Variants in OSBP2 observed in about 807,000 individuals in gnomAD.
OSBP2 encodes the protein oxysterol-binding protein 2.
A neutral mutation model predicts 96.0 loss-of-function variants in OSBP2; 66 were observed. The observed-to-expected ratio is 0.69, with a 90% CI of 0.56 to 0.84. The LOEUF (loss-of-function observed/expected upper bound fraction) is 0.84, where lower values mean the gene tolerates loss of function less well. Ranked by LOEUF, OSBP2 falls within the 40% of genes least tolerant of loss-of-function variation. OSBP2 has a pLI of 0.00. For synonymous variants in OSBP2, 525 were observed against 520.9 expected, an observed-to-expected ratio of 1.01 and a Z score of -0.11; for missense variants, 1,038 against 1,222.7, an observed-to-expected ratio of 0.85 and a Z score of 2.25.
In OSBP2 at chr22:30,695,237, T is replaced by G; in HGVS notation, c.328T>G (p.Ser110Ala). Residue 110 changes from serine (S) to alanine (A), a missense_variant, in exon 1 of 14, where the codon TCA (serine) becomes GCA (alanine). Transcript: ENST00000332585. ...LLQGSRPGSE[S>A]SSGVGAGPFT... Reference sequence around the variant, plus strand: ...GCAGGGGTCGCGGCCGGGGTCAGAGTCAAGCTCAGGTGTAGGGGCTGGGCC... The same window carrying G: ...GCAGGGGTCGCGGCCGGGGTCAGAGGCAAGCTCAGGTGTAGGGGCTGGGCC... 6.2e-7 allele frequency: 1 copy of G among 1,612,828 alleles called. No individual in the cohort carries two copies. Among genetic ancestry groups the G allele is most frequent in the Non-Finnish European group, 8.5e-7 (1 of 1,179,672 alleles).
At chr22:30,766,055 A>C (rs1185727995) in intron 2 of OSBP2, among the ~76,000 whole-genome samples, 1 of 152,138 alleles carries the variant, frequency 6.6e-6, no homozygotes, top group Admixed American at 6.5e-5. Context: ...GCAACATATC[A>C]AGACCCCATC....
At chr22:30,724,484 G>T (rs2089608705) in intron 1 of OSBP2, among the ~76,000 whole-genome samples, 1 of 152,132 alleles carries the variant, frequency 6.6e-6, no homozygotes, top group Non-Finnish European at 1.5e-5. Flanking sequence ...GCCTCCCAAA[G>T]TGCTGGGATT....
chr22:30,903,246 T>C (rs1435206672), intron 12 of OSBP2, among the ~76,000 whole-genome samples: 3 of 152,248 alleles, frequency 2.0e-5, no homozygotes, highest in East Asian at 1.9e-4. Flanking sequence ...CTGTATTGCG[T>C]TGGCTTCCAA....
chr22:30,726,197 A>C (rs1157175969), intron 1 of OSBP2, among the ~76,000 whole-genome samples: 1 of 152,226 alleles, frequency 6.6e-6, no homozygotes, highest in Non-Finnish European at 1.5e-5. Context: ...AAAAATGTAG[A>C]GATGTCATTT....
intron 2 of OSBP2, among the ~76,000 whole-genome samples, chr22:30,840,210 A>T (rs769052124): frequency 5.3e-5 from 5 of 94,434 alleles, no homozygotes; most frequent in Non-Finnish European, 1.2e-4. Context: ...CAAGTGTAAT[A>T]AAAAAAAAAA....
At chr22:30,798,978 C>A (rs1569128713) in intron 2 of OSBP2, among the ~76,000 whole-genome samples, 1 of 149,554 alleles carries the variant, frequency 6.7e-6, no homozygotes. Context: ...TGTGCCATTG[C>A]ACTCCAGCCT....
intron 2 of OSBP2, among the ~76,000 whole-genome samples, chr22:30,763,960 C>G (rs376562184): frequency 6.6e-6 from 1 of 152,156 alleles, no homozygotes; most frequent in Non-Finnish European, 1.5e-5. Context: ...ATGGCTTGTT[C>G]GCTTTCTTTT....
At chr22:30,803,062 G>A in intron 2 of OSBP2, 1 of 199,892 alleles carries the variant, frequency 5.0e-6, no homozygotes, top group Admixed American at 6.2e-5. Flanking sequence ...GCACCCAGAT[G>A]GACTGAGAGC....
At chr22:30,837,743 G>A (rs545398749) in intron 2 of OSBP2, among the ~76,000 whole-genome samples, 2 of 152,290 alleles carry the variant, frequency 1.3e-5, no homozygotes, top group South Asian at 2.1e-4. Flanking sequence ...GTGCGACAGG[G>A]TGATGCAAGC....
chr22:30,783,302 C>CCTT (rs2090544976), intron 2 of OSBP2, among the ~76,000 whole-genome samples: 2 of 34,708 alleles, frequency 5.8e-5, no homozygotes, highest in African/African-American at 2.8e-4. Context: ...ATTCAGAGAG[C>CCTT]TTTTTTTTTT....
At chr22:30,815,098 G>T (rs1337153559) in intron 2 of OSBP2, among the ~76,000 whole-genome samples, 3 of 152,136 alleles carry the variant, frequency 2.0e-5, no homozygotes, top group Non-Finnish European at 2.9e-5. Context: ...CCTGGGCAAC[G>T]TGGTGAAACC....
chr22:30,771,062 C>T (rs1192635544), intron 2 of OSBP2, among the ~76,000 whole-genome samples: 3 of 152,228 alleles, frequency 2.0e-5, no homozygotes, highest in East Asian at 1.9e-4. Context: ...GTATATATAG[C>T]GAGGAAGCCT....
chr22:30,799,263 C>T (rs1399733212), intron 2 of OSBP2, among the ~76,000 whole-genome samples: 1 of 152,076 alleles, frequency 6.6e-6, no homozygotes, highest in Non-Finnish European at 1.5e-5. Context: ...GCGCCCACCA[C>T]CACACCCAGC....
At chr22:30,834,421 T>C (rs1301696864) in intron 2 of OSBP2, among the ~76,000 whole-genome samples, 1 of 152,214 alleles carries the variant, frequency 6.6e-6, no homozygotes, top group Non-Finnish European at 1.5e-5. Flanking sequence ...CTCAACTGTT[T>C]TTCATAGAGA....
chr22:30,712,997 A>G lies in OSBP2; in HGVS notation c.644+17444A>G, dbSNP rs531047872. On this transcript the variant is annotated intron_variant, in intron 1 of 13. Transcript: ENST00000332585. ...ACCATCACGACTCACTGCAGCCTCA[A>G]TGTTCTGCACTCAAGCAATCCTTCT... Among the ~76,000 whole-genome samples, 9 of 151,820 alleles carry G rather than the reference A, an allele frequency of 5.9e-5. No homozygotes were observed. The East Asian group carries it at 1.4e-3, about 23-fold the overall frequency.
intron 1 of OSBP2, among the ~76,000 whole-genome samples, chr22:30,733,018 C>T (rs904164898): frequency 3.3e-5 from 5 of 152,178 alleles, no homozygotes; most frequent in Non-Finnish European, 7.3e-5. Flanking sequence ...GCTGGAGGCA[C>T]TACAGGCAGG....
At position 30,906,510 on chromosome 22, in the gene OSBP2, G is replaced by GA; in HGVS notation, c.*172dup. On this transcript the variant is annotated 3_prime_UTR_variant, in exon 14 of 14. Coordinates refer to ENST00000332585, the MANE Select transcript of OSBP2 (RefSeq NM_030758.4). ...TTTCTTGGGACTCCCACCTTGGAAG[G>GA]AGGAAGGGCTGACCTGGGTTCTCTC... 1.3e-6 allele frequency: 1 copy of GA among 798,100 alleles called. No homozygotes were observed. Among genetic ancestry groups the GA allele is most frequent in the African/African-American group, 1.8e-5 (1 of 55,610 alleles). The allele number at this position is 798,100 out of a possible 1,614,324, so 49.4% of individuals were successfully genotyped here.
At chr22:30,723,927 T>C (rs2089598291) in intron 1 of OSBP2, among the ~76,000 whole-genome samples, 1 of 152,194 alleles carries the variant, frequency 6.6e-6, no homozygotes, top group South Asian at 2.1e-4. Context: ...GGTTCACTCT[T>C]GGTGCGGTAC....
chr22:30,762,343 A>T (rs1413905769), intron 2 of OSBP2, among the ~76,000 whole-genome samples: 1 of 152,154 alleles, frequency 6.6e-6, no homozygotes, highest in Non-Finnish European at 1.5e-5. Context: ...AGGTCAGGAG[A>T]TCGAGACATC....
Sources: allele counts gnomAD v4.1 joint callset (sites outside exome capture counted in the v4.1 genomes callset), GRCh38; gene constraint gnomAD v4.1.1; transcripts MANE v1.5; gene names NCBI Gene and HGNC (gene_info 2026-07-23, HGNC 2026-07-21).